AGTPBP1: variants seen among roughly 807,000 people sequenced by gnomAD.
AGTPBP1 encodes the protein cytosolic carboxypeptidase 1.
A neutral mutation model predicts 143.9 loss-of-function variants in AGTPBP1; 70 were observed. That is an observed-to-expected ratio of 0.49 (90% confidence interval 0.40 to 0.59). AGTPBP1 has a LOEUF of 0.59. Among genes scored for constraint, AGTPBP1 ranks in the 20% least tolerant of loss-of-function variants. The probability of loss-of-function intolerance (pLI) is 0.00; values close to 1 mark genes in which losing one functional copy is unlikely to be tolerated. For missense variants in AGTPBP1, 1,229 were observed against 1,464.5 expected, an observed-to-expected ratio of 0.84 and a Z score of 2.62; for synonymous variants, 463 against 500.2, an observed-to-expected ratio of 0.93 and a Z score of 0.99.
intron 25 of AGTPBP1, among the ~76,000 whole-genome samples, chr9:85,573,527 C>A (rs2133028823): frequency 6.6e-6 from 1 of 152,264 alleles, no homozygotes; most frequent in African/African-American, 2.4e-5. Context: ...GGCCGCCACC[C>A]CGTCTGGGAA....
intron 1 of AGTPBP1, among the ~76,000 whole-genome samples, chr9:85,717,028 T>G (rs980252597): frequency 2.0e-5 from 3 of 152,162 alleles, no homozygotes; most frequent in African/African-American, 7.2e-5. Flanking sequence ...CTGCCAGATA[T>G]CCCAATAACT....
At chr9:85,679,190 T>A (rs1049100040) in intron 4 of AGTPBP1, among the ~76,000 whole-genome samples, 17 of 152,186 alleles carry the variant, frequency 1.1e-4, no homozygotes, top group Admixed American at 3.3e-4. Flanking sequence ...TATACTCCCA[T>A]CAGCAATGCA....
Position 85,657,660 on chromosome 9 carries a change from T to A in AGTPBP1, c.701-17A>T. 6.4e-7 allele frequency: 1 copy of A among 1,565,906 alleles called. No homozygotes were observed. Among genetic ancestry groups the A allele is most frequent in the Non-Finnish European group, 8.7e-7 (1 of 1,151,620 alleles). ...CATTTGTTTCTTTAACAAAAGAAGA[T>A]TGAGAAAGAATATTTTTTAAATGAC... On this transcript the variant is annotated splice_polypyrimidine_tract_variant and intron_variant, in intron 9 of 25. Coordinates refer to ENST00000357081, the MANE Select transcript of AGTPBP1 (RefSeq NM_001330701.2).
At chr9:85,671,474 C>A (rs941524774) in intron 7 of AGTPBP1, among the ~76,000 whole-genome samples, 1 of 151,804 alleles carries the variant, frequency 6.6e-6, no homozygotes, top group Non-Finnish European at 1.5e-5. Flanking sequence ...CAGAGCACAC[C>A]TTTAGCCATA....
At chr9:85,672,405 TGGAG>T in intron 7 of AGTPBP1, 141 bp downstream of exon 7, 1 of 924,740 alleles carries the variant, frequency 1.1e-6, no homozygotes, top group Non-Finnish European at 1.6e-6. Flanking sequence ...TTGTTGTGGT[TGGAG>T]TCAAGAGTTA....
At position 85,690,827 on chromosome 9, in the gene AGTPBP1, T is replaced by G. The variant is rs114360946; in HGVS notation, c.157+1862A>C. Among the ~76,000 whole-genome samples the G allele has an allele frequency of 9.2e-4, 139 of 151,494 alleles. 1 individual carries two copies. Among genetic ancestry groups the G allele is most frequent in the African/African-American group, 3.1e-3 (128 of 41,250 alleles). ...TTTTCAGTGGTGGTAAGAGGGTCAT[T>G]CTCTAATAGTGGTATGGTCAGGAGT... On this transcript the variant is annotated intron_variant, in intron 3 of 25. Coordinates refer to ENST00000357081, the MANE Select transcript of AGTPBP1 (RefSeq NM_001330701.2).
At chr9:85,666,032 T>C (rs2134018204) in intron 8 of AGTPBP1, among the ~76,000 whole-genome samples, 1 of 152,256 alleles carries the variant, frequency 6.6e-6, no homozygotes, top group East Asian at 1.9e-4. Flanking sequence ...GTATAAATAA[T>C]TTATACTTCC....
upstream of AGTPBP1, chr9:85,742,054 C>T: frequency 8.5e-7 from 1 of 1,175,424 alleles, no homozygotes; most frequent in Non-Finnish European, 1.1e-6. Flanking sequence ...GCGTGCGAGG[C>T]CGCGAAAGGG....
intron 3 of AGTPBP1, among the ~76,000 whole-genome samples, chr9:85,683,452 G>A (rs543971864): frequency 2.6e-5 from 4 of 152,020 alleles, no homozygotes; most frequent in Non-Finnish European, 5.9e-5. Context: ...CTTCCATGAA[G>A]GGTAAAAAAA....
intron 2 of AGTPBP1, among the ~76,000 whole-genome samples, chr9:85,705,583 T>A (rs930685530): frequency 6.6e-6 from 1 of 152,212 alleles, no homozygotes; most frequent in Admixed American, 6.5e-5. Context: ...TTTAAATTTC[T>A]CTAAAAGACA....
chr9:85,789,081 C>T, the AGTPBP1 span, among the ~76,000 whole-genome samples: 3 of 150,510 alleles, frequency 2.0e-5, no homozygotes, highest in Non-Finnish European at 4.4e-5. Context: ...ATCAAAACAA[C>T]GATTAGGTTT....
At chr9:85,577,891 A>G (rs1239862112) in intron 24 of AGTPBP1, among the ~76,000 whole-genome samples, 1 of 152,184 alleles carries the variant, frequency 6.6e-6, no homozygotes, top group Non-Finnish European at 1.5e-5. Context: ...ATCAACTATA[A>G]TATGTTTACA....
chr9:85,658,279 T>C (rs1274608936), intron 9 of AGTPBP1, among the ~76,000 whole-genome samples: 1 of 152,196 alleles, frequency 6.6e-6, no homozygotes, highest in East Asian at 1.9e-4. Flanking sequence ...GCTTTCTGGC[T>C]TTCTAGTCAT....
chr9:85,751,743 T>C, the AGTPBP1 span, among the ~76,000 whole-genome samples: 1 of 152,028 alleles, frequency 6.6e-6, no homozygotes, highest in Non-Finnish European at 1.5e-5. Flanking sequence ...GCCTCCTGAG[T>C]AGCTGGGAAT....
chr9:85,785,875 T>C, the AGTPBP1 span: 2 of 347,954 alleles, frequency 5.7e-6, no homozygotes, highest in Non-Finnish European at 1.0e-5. Context: ...CTCAATTTGT[T>C]CCATGAATTA....
At chr9:85,794,060 G>A in the AGTPBP1 span, among the ~76,000 whole-genome samples, 2 of 152,094 alleles carry the variant, frequency 1.3e-5, no homozygotes, top group Non-Finnish European at 2.9e-5. Flanking sequence ...TACTTATGGA[G>A]AGAGTAAAGC....
intron 25 of AGTPBP1, among the ~76,000 whole-genome samples, chr9:85,566,304 G>A (rs527291608): frequency 9.2e-5 from 14 of 151,934 alleles, no homozygotes; most frequent in Non-Finnish European, 1.5e-4. Context: ...AAGACTGCTC[G>A]AGCCCAGGAG....
intron 13 of AGTPBP1, among the ~76,000 whole-genome samples, chr9:85,635,666 T>C (rs1831988982): frequency 1.3e-5 from 2 of 152,022 alleles, no homozygotes; most frequent in East Asian, 1.9e-4. Flanking sequence ...TTGAAAACAT[T>C]TGCTAAACCA....
chr9:85,688,713 A>G (rs1835653409), intron 3 of AGTPBP1, among the ~76,000 whole-genome samples: 1 of 152,244 alleles, frequency 6.6e-6, no homozygotes, highest in Non-Finnish European at 1.5e-5. Flanking sequence ...TTCACTGTAC[A>G]TAAGTAGTTA....
Sources: allele counts gnomAD v4.1 joint callset (sites outside exome capture counted in the v4.1 genomes callset), GRCh38; gene constraint gnomAD v4.1.1; transcripts MANE v1.5; gene names NCBI Gene and HGNC (gene_info 2026-07-23, HGNC 2026-07-21).